FBN2: variants seen among roughly 807,000 people sequenced by gnomAD.
The protein encoded by FBN2 is fibrillin-2.
In FBN2, 105 loss-of-function variants were observed where a neutral mutation model predicts 355.6. The ratio of observed to expected loss-of-function variants is 0.30; its 90% CI spans 0.25 to 0.35. The LOEUF is 0.35. Among genes scored for constraint, FBN2 ranks in the 10% least tolerant of loss-of-function variants. FBN2 has a pLI of 1.00. For missense variants in FBN2, 3,280 were observed against 3,758.7 expected, an observed-to-expected ratio of 0.87 and a Z score of 3.33; for synonymous variants, 1,350 against 1,301.2, an observed-to-expected ratio of 1.04 and a Z score of -0.81.
rs56131649 is a variant in FBN2, at chr5:128,289,867, T to C, written c.6511+15A>G. Reference sequence around the variant, plus strand: ...ATTAAATAAGAATATAGGAATAAAATATATCAAAGCGTACCTTCACGTGTA... The same window carrying C: ...ATTAAATAAGAATATAGGAATAAAACATATCAAAGCGTACCTTCACGTGTA... On this transcript the variant is annotated intron_variant, in intron 51 of 64. Coordinates refer to ENST00000262464, the MANE Select transcript of FBN2 (RefSeq NM_001999.4). The C allele has an allele frequency of 0.16, 234,010 of 1,475,690 alleles. 20,301 individuals carry two copies. The highest frequency in any genetic ancestry group is 0.27 in the Admixed American group (16,239 of 59,588). The allele number at this position is 1,475,690 out of a possible 1,614,324, so 91.4% of individuals were successfully genotyped here.
chr5:128,357,125 C>G (rs890262806), intron 20 of FBN2, 151 bp downstream of exon 20: 2 of 926,750 alleles, frequency 2.2e-6, no homozygotes, highest in Non-Finnish European at 3.4e-6. Flanking sequence ...TTATGTTTTA[C>G]CTCTATATTG....
At position 128,259,207 on chromosome 5, in the gene FBN2, T is replaced by C. The variant is rs963031157; in HGVS notation, c.*248A>G. On this transcript the variant is annotated 3_prime_UTR_variant, in exon 65 of 65. Coordinates refer to ENST00000262464, the MANE Select transcript of FBN2 (RefSeq NM_001999.4). ...ATATCTTGAACATTTAGGTTTCTTT[T>C]AATATATTTTAAAATGAAGTTATAT... The C allele has an allele frequency of 1.8e-5, 9 of 499,682 alleles. No individual in the cohort carries two copies. Among genetic ancestry groups the C allele is most frequent in the Middle Eastern group, 5.5e-4 (1 of 1,818 alleles). 31.0% of individuals were successfully genotyped at this position (499,682 alleles called of 1,614,324 possible).
chr5:128,374,802 T>C, intron 14 of FBN2, 52 bp from the exon 15 acceptor site: 2 of 1,603,160 alleles, frequency 1.2e-6, no homozygotes, highest in East Asian at 2.2e-5. Flanking sequence ...TTTAACGTTA[T>C]TACAGGGTTT....
At chr5:128,479,154 C>G (rs1755086650) in intron 5 of FBN2, among the ~76,000 whole-genome samples, 1 of 152,210 alleles carries the variant, frequency 6.6e-6, no homozygotes, top group Admixed American at 6.5e-5. Context: ...ACTTTCTTAG[C>G]AGTTGCCAAA....
intron 5 of FBN2, among the ~76,000 whole-genome samples, chr5:128,471,946 C>A (rs1754872052): frequency 6.6e-6 from 1 of 152,104 alleles, no homozygotes; most frequent in Non-Finnish European, 1.5e-5. Flanking sequence ...GTTCAAAAGG[C>A]ATGGAGTTAT....
intron 9 of FBN2, among the ~76,000 whole-genome samples, chr5:128,394,215 T>A (rs1418111792): frequency 6.6e-6 from 1 of 152,208 alleles, no homozygotes. Flanking sequence ...TACACGCTTT[T>A]AATTCAATGA....
chr5:128,353,280 G>A (rs1372851525), intron 20 of FBN2, among the ~76,000 whole-genome samples: 1 of 152,084 alleles, frequency 6.6e-6, no homozygotes, highest in Non-Finnish European at 1.5e-5. Context: ...GGCAGAAATA[G>A]TAATTTCTGA....
intron 8 of FBN2, among the ~76,000 whole-genome samples, chr5:128,396,846 T>A (rs898939503): frequency 1.3e-5 from 2 of 152,202 alleles, no homozygotes; most frequent in African/African-American, 4.8e-5. Context: ...ACCACAGCAA[T>A]CAGGATCTGC....
At chr5:128,520,801 C>T (rs13155917) in intron 4 of FBN2, among the ~76,000 whole-genome samples, 1 of 152,024 alleles carries the variant, frequency 6.6e-6, no homozygotes, top group African/African-American at 2.4e-5. Context: ...ACAAGTACAG[C>T]TCCCTAGGAA....
chr5:128,327,882 C>T (rs747624564), intron 34 of FBN2, among the ~76,000 whole-genome samples: 23 of 152,180 alleles, frequency 1.5e-4, no homozygotes, highest in Non-Finnish European at 2.2e-4. Flanking sequence ...AGGTGATCCA[C>T]CTGCTTCGGC....
rs863223586 is a variant in FBN2, at chr5:128,280,273, G to A, written c.7057C>T (p.Arg2353Cys). The change falls in exon 56 of 65, where the codon CGT becomes TGT. Residue 2353 changes from arginine (R) to cysteine (C), a missense_variant. By Grantham distance (180) the Arg-to-Cys change is radical. Coordinates refer to ENST00000262464, the MANE Select transcript of FBN2 (RefSeq NM_001999.4). ...TAGCTTCCAATAATGTTAACACAAC[G>A]TCCATTTTCACAGATTCCTGGCTTG... ...RTKPGICENG[R>C]CVNIIGSYRC... is the part of the protein sequence containing the mutation. 5.6e-6 allele frequency: 9 copies of A among 1,610,716 alleles called. No homozygotes were observed. Among genetic ancestry groups the A allele is most frequent in the East Asian group, 2.2e-5 (1 of 44,764 alleles).
rs754926486 is a variant in FBN2 at position 128,305,948 on chromosome 5, T to C, written c.5423A>G (p.Asp1808Gly). The C allele has an allele frequency of 6.2e-7, 1 of 1,613,562 alleles. No individual in the cohort carries two copies. Among genetic ancestry groups the C allele is most frequent in the East Asian group, 2.2e-5 (1 of 44,854 alleles). ...TFDIHTGKAV[D>G]IDECKEIPGI... is the part of the protein sequence containing the mutation. ...TGGAATCTCTTTACATTCATCAATGTCTGAAATGGAACAGATTTGGTCAAA... is the reference window on the plus strand; with the variant it reads ...TGGAATCTCTTTACATTCATCAATGCCTGAAATGGAACAGATTTGGTCAAA... The change falls in exon 43 of 65, where the codon GAC becomes GGC. Residue 1808 changes from aspartate to glycine, a missense_variant and splice_region_variant. Coordinates refer to ENST00000262464, the MANE Select transcript of FBN2 (RefSeq NM_001999.4).
chr5:128,463,552 T>C (rs1366665785), intron 6 of FBN2, among the ~76,000 whole-genome samples: 2 of 152,336 alleles, frequency 1.3e-5, no homozygotes, highest in African/African-American at 2.4e-5. Context: ...ATTTTAAAAA[T>C]ATACCTTTTA....
intron 56 of FBN2, 115 bp downstream of exon 56, chr5:128,280,077 T>C: frequency 2.4e-6 from 2 of 832,416 alleles, no homozygotes; most frequent in South Asian, 1.4e-5. Flanking sequence ...ATGTGGATTA[T>C]TGAGATTGGG....
In FBN2 at chr5:128,321,263, T is replaced by C. The variant is rs560906043; in HGVS notation, c.4472-2262A>G. Among the ~76,000 whole-genome samples the C allele has an allele frequency of 2.0e-5, 3 of 152,344 alleles. No homozygotes were observed. In the South Asian group the frequency reaches 6.2e-4, roughly 32 times the overall value. On this transcript the variant is annotated intron_variant, in intron 34 of 64. Transcript: ENST00000262464. ...CTGTGGGCATGGATCTAATGTCTTT[T>C]GATATTGAATATTTCTGTTTAGCTC...
Position 128,330,688 on chromosome 5 carries a change from G to A in FBN2, c.4230C>T (p.Asp1410=), listed in dbSNP as rs138289440. 6.2e-6 allele frequency: 10 copies of A among 1,613,684 alleles called. No homozygotes were observed. The highest frequency in any genetic ancestry group is 5.3e-5 in the African/African-American group (4 of 74,880). Residue 1410 remains aspartate, a synonymous_variant, in exon 33 of 65, where the codon GAC becomes GAT. Transcript: ENST00000262464. ...IGNGIKCIDL[D]ECSNGTHQCS... ...ACTGGTGGGTTCCATTAGAACATTC[G>A]TCCAGATCTGCAGAACACAGCAATA...
chr5:128,484,116 T>C (rs1755268898), intron 5 of FBN2, among the ~76,000 whole-genome samples: 2 of 152,218 alleles, frequency 1.3e-5, no homozygotes, highest in African/African-American at 2.4e-5. Context: ...CATAGAATTA[T>C]AGCTATTTTT....
chr5:128,384,609 T>A (rs1243130067), intron 11 of FBN2, among the ~76,000 whole-genome samples: 2 of 152,054 alleles, frequency 1.3e-5, no homozygotes, highest in Admixed American at 6.6e-5. Flanking sequence ...CTGTGGCTGT[T>A]TTACAGCATA....
At chr5:128,387,490 C>A (rs1033881714) in intron 11 of FBN2, among the ~76,000 whole-genome samples, 7 of 152,070 alleles carry the variant, frequency 4.6e-5, no homozygotes, top group African/African-American at 1.7e-4. Flanking sequence ...TTGGTTATTT[C>A]TTTTCTTCTG....
Sources: allele counts gnomAD v4.1 joint callset (sites outside exome capture counted in the v4.1 genomes callset), GRCh38; gene constraint gnomAD v4.1.1; transcripts MANE v1.5; gene names NCBI Gene and HGNC (gene_info 2026-07-23, HGNC 2026-07-21).